MBP: variants seen among roughly 807,000 people sequenced by gnomAD.
MBP encodes Golli-MBP.
In MBP, 16 loss-of-function variants were observed where a neutral mutation model predicts 35.8. That is an observed-to-expected ratio of 0.45 (90% CI 0.30 to 0.68). MBP has a LOEUF of 0.68. MBP is among the 30% of genes least tolerant of loss of function. MBP has a pLI of 0.08. For synonymous variants in MBP, 143 were observed against 159.6 expected, an observed-to-expected ratio of 0.90 and a Z score of 0.78; for missense variants, 380 against 404.7, an observed-to-expected ratio of 0.94 and a Z score of 0.52.
intron 2 of MBP, among the ~76,000 whole-genome samples, chr18:77,082,764 G>T (rs59593893): frequency 6.0e-3 from 231 of 38,530 alleles, no homozygotes; most frequent in East Asian, 0.032. Context: ...GCAGCAGCTG[G>T]ACCAGGTGGT....
Position 77,096,582 on chromosome 18 carries a change from T to C in MBP, c.51+8629A>G, listed in dbSNP as rs529426339. Among the ~76,000 whole-genome samples the C allele has an allele frequency of 5.2e-5, 8 of 152,382 alleles. 1 individual carries two copies. In the South Asian group the frequency reaches 1.7e-3, roughly 32 times the overall value. On this transcript the variant is annotated intron_variant, in intron 2 of 8. Transcript: ENST00000355994. ...CTTATTTTTAAGTGTGGTATCTTTTTTCTTAAGCTGATTAAATAGAAAAAT... is the reference window on the plus strand; with the variant it reads ...CTTATTTTTAAGTGTGGTATCTTTTCTCTTAAGCTGATTAAATAGAAAAAT...
At position 77,031,885 on chromosome 18, in the gene MBP, G is replaced by C. The variant is rs1230674822; in HGVS notation, c.140-14617C>G. Among the ~76,000 whole-genome samples, 6 of 152,344 alleles carry C rather than the reference G, an allele frequency of 3.9e-5. No individual in the cohort carries two copies. In the East Asian group the frequency reaches 5.8e-4, roughly 15 times the overall value. On this transcript the variant is annotated intron_variant, in intron 3 of 8. Coordinates refer to ENST00000355994, the MANE Select transcript of MBP (RefSeq NM_001025101.2). ...GGCTTGCAGGCTGTGCCCAGTGGGA[G>C]CCAGGGCTTTTGTCGAGCACTCAGC...
At chr18:77,075,969 A>G (rs1428772790) in intron 2 of MBP, among the ~76,000 whole-genome samples, 1 of 152,146 alleles carries the variant, frequency 6.6e-6, no homozygotes, top group Non-Finnish European at 1.5e-5. Flanking sequence ...ATCATACCTT[A>G]ATGCATATGG....
intron 4 of MBP, among the ~76,000 whole-genome samples, chr18:77,009,009 G>C (rs1365513943): frequency 6.6e-6 from 1 of 152,246 alleles, no homozygotes; most frequent in Non-Finnish European, 1.5e-5. Flanking sequence ...TCGCTATTTA[G>C]GTACTTGAGC....
At chr18:77,004,937 TC>T in intron 4 of MBP, 1 of 152,372 alleles carries the variant, frequency 6.6e-6, no homozygotes, top group South Asian at 2.1e-4. Flanking sequence ...TCCCGTGGCC[TC>T]CTTTGGGGGC....
intron 4 of MBP, chr18:77,012,829 G>A (rs1169465971): frequency 3.0e-6 from 3 of 985,186 alleles, no homozygotes; most frequent in Non-Finnish European, 3.6e-6. Context: ...GCATAAAAAG[G>A]CAGAAAAATA....
chr18:77,123,499 C>G (rs1173030461), intron 1 of MBP, among the ~76,000 whole-genome samples: 1 of 152,206 alleles, frequency 6.6e-6, no homozygotes, highest in Non-Finnish European at 1.5e-5. Flanking sequence ...CTGTGTCGAC[C>G]TGGAAACACC....
chr18:77,080,111 C>T (rs778563161), intron 2 of MBP, among the ~76,000 whole-genome samples: 3 of 152,108 alleles, frequency 2.0e-5, no homozygotes, highest in Admixed American at 6.6e-5. Flanking sequence ...AAAAATAGTT[C>T]TTATAACCTT....
intron 2 of MBP, among the ~76,000 whole-genome samples, chr18:77,099,963 C>T (rs1050434733): frequency 4.6e-5 from 7 of 152,232 alleles, no homozygotes; most frequent in East Asian, 1.9e-4. Context: ...TCAGACATGG[C>T]GGCAAATGCC....
intron 2 of MBP, among the ~76,000 whole-genome samples, chr18:77,078,407 C>T (rs1974749317): frequency 1.3e-5 from 2 of 152,214 alleles, no homozygotes; most frequent in African/African-American, 4.8e-5. Context: ...TTTTAATATT[C>T]TGAAGCTGCT....
chr18:77,017,170 C>A lies in MBP; in HGVS notation c.238G>T (p.Ala80Ser). The change falls in exon 4 of 9, where the codon GCC (alanine) becomes TCC (serine). Residue 80 changes from alanine (A) to serine (S), a missense_variant. Ala to Ser is a moderately conservative substitution (Grantham distance 99). Coordinates refer to ENST00000355994, the MANE Select transcript of MBP (RefSeq NM_001025101.2). ...TADPKNAWQD[A>S]HPADPGSRPH... ...CGGCTCCCTGGGTCAGCTGGGTGGG[C>A]ATCCTGCCAGGCATTCTTCGGGTCC... is the stretch of plus-strand genomic sequence containing the variant. The A allele has an allele frequency of 6.5e-7, 1 of 1,547,202 alleles. No individual in the cohort carries two copies. Among genetic ancestry groups the A allele is most frequent in the Non-Finnish European group, 8.7e-7 (1 of 1,145,772 alleles).
chr18:77,048,466 C>CT (rs908560166), intron 3 of MBP, among the ~76,000 whole-genome samples: 16 of 151,648 alleles, frequency 1.1e-4, no homozygotes, highest in African/African-American at 2.2e-4. Context: ...CAGGTAGGAT[C>CT]TTTTTTTTTG....
rs554402359 is a variant in MBP, at chr18:76,989,851, C to T, written c.681+105G>A. The T allele has an allele frequency of 4.2e-4, 412 of 974,402 alleles. 8 individuals are homozygous for T. The South Asian group carries it at 5.6e-3, about 13-fold the overall frequency. The allele number at this position is 974,402 out of a possible 1,614,324, so 60.4% of individuals were successfully genotyped here. ...GCCGGCCTCACCCTGATGATGACCCCGGTGCCACCCCCGAGCGTACGAACG... is the reference window on the plus strand; with the variant it reads ...GCCGGCCTCACCCTGATGATGACCCTGGTGCCACCCCCGAGCGTACGAACG... On this transcript the variant is annotated intron_variant, in intron 5 of 8. Coordinates refer to ENST00000355994, the MANE Select transcript of MBP (RefSeq NM_001025101.2). This position sits in a 1 kb window ranked among gnomAD's most constrained non-coding sequence, Gnocchi z 4.0.
chr18:77,038,089 T>C (rs1972848257), intron 3 of MBP, among the ~76,000 whole-genome samples: 1 of 152,180 alleles, frequency 6.6e-6, no homozygotes, highest in Non-Finnish European at 1.5e-5. Context: ...AGCCAGCGAC[T>C]ACTAAGATAG....
chr18:76,988,724 C>T lies in MBP; in HGVS notation c.717+153G>A. 1.5e-6 allele frequency: 2 copies of T among 1,318,586 alleles called. No individual in the cohort carries two copies. Among genetic ancestry groups the T allele is most frequent in the Non-Finnish European group, 2.1e-6 (2 of 953,430 alleles). 81.7% of individuals were successfully genotyped at this position (1,318,586 alleles called of 1,614,324 possible). A position where few individuals can be genotyped will look rare whatever the true frequency, so the allele number is the denominator to read the frequency against. On this transcript the variant is annotated intron_variant, in intron 6 of 8. Coordinates refer to ENST00000355994, the MANE Select transcript of MBP (RefSeq NM_001025101.2). This position sits in a 1 kb window ranked among gnomAD's most constrained non-coding sequence, Gnocchi z 5.2. ...GGAGGGACAGGAGGGGTGCATGGAT[C>T]TGCCGACCTGTTCTACTTGGGAGCT...
Position 77,010,203 on chromosome 18 carries a change from G to A in MBP, c.576+6629C>T, listed in dbSNP as rs1971266279. 8.3e-5 allele frequency: 41 copies of A among 491,706 alleles called. No individual in the cohort carries two copies. In the South Asian group the frequency reaches 9.3e-4, roughly 11 times the overall value. The allele number at this position is 491,706 out of a possible 1,614,324, so 30.5% of individuals were successfully genotyped here. On this transcript the variant is annotated intron_variant, in intron 4 of 8. Transcript: ENST00000355994. ...GAGAGCAAAAGGAAAGTTTAGGGAA[G>A]AATTCTCTCCTCCAAAGTCTATTCT...
At chr18:77,049,252 A>T (rs1973385614) in intron 3 of MBP, among the ~76,000 whole-genome samples, 1 of 152,174 alleles carries the variant, frequency 6.6e-6, no homozygotes, top group Non-Finnish European at 1.5e-5. Context: ...TTGTTCACCG[A>T]TGTACTCCTG....
intron 2 of MBP, among the ~76,000 whole-genome samples, chr18:77,082,750 TGCA>T (rs1378748999): frequency 0.026 from 3,084 of 118,218 alleles, 7 homozygotes; most frequent in South Asian, 0.032. Context: ...CCTTCCTCCC[TGCA>T]GCAGCAGCTG....
intron 3 of MBP, among the ~76,000 whole-genome samples, chr18:77,052,924 C>G (rs958471780): frequency 6.6e-6 from 1 of 152,248 alleles, no homozygotes; most frequent in African/African-American, 2.4e-5. Flanking sequence ...GCCGTCCTAA[C>G]CTACTCCCTC....
Sources: allele counts gnomAD v4.1 joint callset (sites outside exome capture counted in the v4.1 genomes callset), GRCh38; gene constraint gnomAD v4.1.1; non-coding constraint Gnocchi (gnomAD v3.1); transcripts MANE v1.5; gene names NCBI Gene and HGNC (gene_info 2026-07-23, HGNC 2026-07-21).